Variants in SLC6A6 observed in about 807,000 individuals in gnomAD.
The protein encoded by SLC6A6 is sodium- and chloride-dependent taurine transporter.
A neutral mutation model predicts 68.8 loss-of-function variants in SLC6A6; 16 were observed. The ratio of observed to expected loss-of-function variants is 0.23; its 90% CI spans 0.16 to 0.35. The LOEUF is 0.35. Ranked by LOEUF, SLC6A6 falls within the 10% of genes least tolerant of loss-of-function variation. The pLI is 1.00. For missense variants in SLC6A6, 474 were observed against 802.8 expected (o/e 0.59, Z 4.95); for synonymous variants, 312 against 315.4 (o/e 0.99, Z 0.12).
intron 1 of SLC6A6, among the ~76,000 whole-genome samples, 200 bp from the exon 2 acceptor site, chr3:14,416,212 G>A (rs114385011): frequency 3.5e-4 from 54 of 152,258 alleles, no homozygotes; most frequent in East Asian, 2.1e-3. Flanking sequence ...GTGTCTGTGC[G>A]TCTGCATGTG....
At chr3:14,433,850 A>G (rs1247252138) in intron 2 of SLC6A6, among the ~76,000 whole-genome samples, 1 of 151,900 alleles carries the variant, frequency 6.6e-6, no homozygotes, top group Non-Finnish European at 1.5e-5. Context: ...CTGCAGGGAA[A>G]AACCCAACAT....
intron 4 of SLC6A6, among the ~76,000 whole-genome samples, chr3:14,446,958 T>G (rs1297199890): frequency 1.3e-5 from 2 of 152,194 alleles, no homozygotes; most frequent in Non-Finnish European, 2.9e-5. Flanking sequence ...CTTTCTTCCA[T>G]TAAACCACTC....
intron 5 of SLC6A6, 101 bp from the exon 6 acceptor site, chr3:14,457,849 C>T (rs1483924590): frequency 3.1e-5 from 34 of 1,092,852 alleles, no homozygotes; most frequent in Non-Finnish European, 4.4e-5. Flanking sequence ...TGCAGCGCCT[C>T]AGGTGGGATT....
At chr3:14,474,589 G>A (rs1022439466) in intron 10 of SLC6A6, among the ~76,000 whole-genome samples, 84 of 152,178 alleles carry the variant, frequency 5.5e-4, no homozygotes, top group African/African-American at 2.0e-3. Context: ...TCCTTAAGCT[G>A]CAGTGTTGCA....
At chr3:14,403,209 C>T (rs1308952010) in intron 1 of SLC6A6, among the ~76,000 whole-genome samples, 4 of 152,042 alleles carry the variant, frequency 2.6e-5, no homozygotes, top group Non-Finnish European at 5.9e-5. Context: ...GACTGTTTCA[C>T]CGTGTCCCCA....
intron 2 of SLC6A6, among the ~76,000 whole-genome samples, chr3:14,436,084 C>A (rs1219594136): frequency 6.6e-6 from 1 of 152,214 alleles, no homozygotes; most frequent in Non-Finnish European, 1.5e-5. Flanking sequence ...GATTCAATCT[C>A]TTAAAGGTGT....
chr3:14,446,426 A>G (rs1016861265), intron 4 of SLC6A6, among the ~76,000 whole-genome samples: 2 of 152,202 alleles, frequency 1.3e-5, no homozygotes, highest in Admixed American at 1.3e-4. Flanking sequence ...GGCGGGGAGC[A>G]AGGGCTGAAA....
At chr3:14,425,901 T>G (rs1452731599) in intron 2 of SLC6A6, among the ~76,000 whole-genome samples, 1 of 152,162 alleles carries the variant, frequency 6.6e-6, no homozygotes, top group Non-Finnish European at 1.5e-5. Context: ...GGGTCAGTAG[T>G]TAGTAATCAC....
At chr3:14,411,112 C>CA (rs1699243673) in intron 1 of SLC6A6, 1 of 152,516 alleles carries the variant, frequency 6.6e-6, no homozygotes, top group Non-Finnish European at 1.5e-5. Flanking sequence ...CATCTGGGGA[C>CA]CAGCTCTCTG....
rs191617897 is a variant in SLC6A6 at position 14,475,606 on chromosome 3, C to T, written c.1210-1599C>T. Among the ~76,000 whole-genome samples the T allele has an allele frequency of 2.5e-4, 38 of 152,316 alleles. No homozygotes were observed. In the East Asian group the frequency reaches 6.9e-3, roughly 28 times the overall value. ...GGCTGGTGGAGAAGGGCAGTGTTCT[C>T]TGGAAGCGGCAGGAACTGAGAAATG... On this transcript the variant is annotated intron_variant, in intron 10 of 14. Coordinates refer to ENST00000622186, the MANE Select transcript of SLC6A6 (RefSeq NM_003043.6).
chr3:14,444,181 C>G, intron 3 of SLC6A6: 1 of 313,394 alleles, frequency 3.2e-6, no homozygotes, highest in South Asian at 5.1e-5. Flanking sequence ...AAGCCCCAGA[C>G]ATTCACACAC....
chr3:14,477,249 C>T lies in SLC6A6; in HGVS notation c.1254C>T (p.Tyr418=). 6.2e-7 allele frequency: 1 copy of T among 1,613,198 alleles called. No individual in the cohort carries two copies. Residue 418 remains tyrosine, a synonymous_variant, in exon 11 of 15, where the codon TAC becomes TAT. Coordinates refer to ENST00000622186, the MANE Select transcript of SLC6A6 (RefSeq NM_003043.6). The surrounding 1 kb of genome is among the most constrained non-coding windows in gnomAD (Gnocchi z 4.2). Reference sequence around the variant, plus strand: ...AGATCACATCCTTGGTTGATCTTTACCCATCCTTCCTAAGGAAGGGTTATC... The same window carrying T: ...AGATCACATCCTTGGTTGATCTTTATCCATCCTTCCTAAGGAAGGGTTATC... ...EGQITSLVDL[Y]PSFLRKGYRR... is the part of the protein sequence containing the mutation.
At chr3:14,422,674 A>C (rs1032607372) in intron 2 of SLC6A6, among the ~76,000 whole-genome samples, 3 of 152,022 alleles carry the variant, frequency 2.0e-5, no homozygotes, top group African/African-American at 7.2e-5. Flanking sequence ...GTAGAGTTGC[A>C]TCCCTGCTCT....
chr3:14,408,769 T>A lies in SLC6A6; in HGVS notation c.-54+5922T>A, dbSNP rs180789946. 4.6e-5 allele frequency among the ~76,000 whole-genome samples: 7 copies of A among 152,200 alleles called. No individual in the cohort carries two copies. The East Asian group carries it at 5.8e-4, about 13-fold the overall frequency. ...TCTTTGATCCAGGCATTATTTGGGA[T>A]CTGTTTGGAAGCTAGCTGTAGTTTT... On this transcript the variant is annotated intron_variant, in intron 1 of 14. Transcript: ENST00000622186.
At chr3:14,444,526 T>C (rs1390789689) in intron 3 of SLC6A6, among the ~76,000 whole-genome samples, 2 of 152,168 alleles carry the variant, frequency 1.3e-5, no homozygotes, top group East Asian at 1.9e-4. Flanking sequence ...CGGGGTTGTG[T>C]TGAGGTCAGG....
chr3:14,459,810 G>T (rs1179548780), intron 6 of SLC6A6, among the ~76,000 whole-genome samples: 2 of 151,996 alleles, frequency 1.3e-5, no homozygotes, highest in African/African-American at 4.8e-5. Flanking sequence ...GGTGATAGTA[G>T]GGTTAAAATG....
chr3:14,474,915 C>T (rs372814874), intron 10 of SLC6A6, among the ~76,000 whole-genome samples: 8 of 152,372 alleles, frequency 5.3e-5, no homozygotes, highest in Admixed American at 1.3e-4. Flanking sequence ...TTGGCGGGAA[C>T]AGTCCGTCTG....
chr3:14,442,966 G>C (rs766663847), intron 2 of SLC6A6, among the ~76,000 whole-genome samples: 1 of 152,142 alleles, frequency 6.6e-6, no homozygotes, highest in African/African-American at 2.4e-5. Context: ...AGATGTGACT[G>C]GTTAATAAAT....
chr3:14,445,078 C>T (rs994341507), intron 3 of SLC6A6, among the ~76,000 whole-genome samples: 1 of 152,100 alleles, frequency 6.6e-6, no homozygotes, highest in East Asian at 1.9e-4. Context: ...CGTCCTTGTT[C>T]AGGGGACGGA....
Sources: allele counts gnomAD v4.1 joint callset (sites outside exome capture counted in the v4.1 genomes callset), GRCh38; gene constraint gnomAD v4.1.1; non-coding constraint Gnocchi (gnomAD v3.1); transcripts MANE v1.5; gene names NCBI Gene and HGNC (gene_info 2026-07-23, HGNC 2026-07-21).